Variants in PTPRD observed in about 807,000 individuals in gnomAD.
PTPRD encodes protein tyrosine phosphatase receptor type D, also known as receptor-type tyrosine-protein phosphatase delta.
In PTPRD, 34 loss-of-function variants were observed where a neutral mutation model predicts 214.5. The observed-to-expected ratio is 0.16, with a 90% CI of 0.12 to 0.21. The LOEUF (loss-of-function observed/expected upper bound fraction) is 0.21, where lower values mean the gene tolerates loss of function less well. Ranked by LOEUF, PTPRD falls within the 10% of genes least tolerant of loss-of-function variation. The probability of loss-of-function intolerance (pLI) is 1.00; values close to 1 mark genes in which losing one functional copy is unlikely to be tolerated. For synonymous variants in PTPRD, 1,128 were observed against 845.7 expected (o/e 1.33, Z -5.79); for missense variants, 2,545 against 2,398.7 (o/e 1.06, Z -1.27).
intron 7 of PTPRD, among the ~76,000 whole-genome samples, chr9:9,622,448 T>C (rs1403576491): frequency 6.6e-6 from 1 of 152,222 alleles, no homozygotes; most frequent in Non-Finnish European, 1.5e-5. Flanking sequence ...ATTATTTTTA[T>C]CATTTACGTA....
intron 12 of PTPRD, among the ~76,000 whole-genome samples, chr9:8,685,009 G>A (rs998554493): frequency 3.9e-5 from 6 of 152,048 alleles, no homozygotes; most frequent in Non-Finnish European, 8.8e-5. Context: ...GCTCTTCTGG[G>A]GATGGGCTGT....
At chr9:10,074,085 T>C (rs2098086761) in intron 3 of PTPRD, among the ~76,000 whole-genome samples, 1 of 152,108 alleles carries the variant, frequency 6.6e-6, no homozygotes, top group Non-Finnish European at 1.5e-5. Context: ...TCACAGAATT[T>C]GCGTGGAGGT....
At chr9:9,651,578 C>G (rs1160943926) in intron 7 of PTPRD, among the ~76,000 whole-genome samples, 4 of 152,070 alleles carry the variant, frequency 2.6e-5, no homozygotes, top group African/African-American at 9.7e-5. Flanking sequence ...TGATTGTGTT[C>G]TTTATTATGG....
intron 2 of PTPRD, among the ~76,000 whole-genome samples, chr9:10,479,345 G>C (rs956417288): frequency 6.6e-6 from 1 of 151,754 alleles, no homozygotes; most frequent in African/African-American, 2.4e-5. Flanking sequence ...CAACACATAG[G>C]AAAGGTGGAA....
At chr9:10,205,660 GC>G (rs1362017850) in intron 3 of PTPRD, among the ~76,000 whole-genome samples, 1 of 152,016 alleles carries the variant, frequency 6.6e-6, no homozygotes, top group Non-Finnish European at 1.5e-5. Context: ...GCCTGCCTTG[GC>G]CCCAAAGTGC....
intron 11 of PTPRD, among the ~76,000 whole-genome samples, chr9:8,941,072 GA>G (rs2099031181): frequency 6.6e-6 from 1 of 152,052 alleles, no homozygotes; most frequent in South Asian, 2.1e-4. Context: ...CCCATCTCAA[GA>G]AATCATTTGT....
intron 5 of PTPRD, among the ~76,000 whole-genome samples, chr9:9,780,145 T>A (rs1436704671): frequency 2.0e-5 from 3 of 152,080 alleles, no homozygotes; most frequent in Non-Finnish European, 4.4e-5. Flanking sequence ...TAATCCTGAG[T>A]TAACACAGAA....
chr9:10,060,733 G>C (rs2097747252), intron 3 of PTPRD, among the ~76,000 whole-genome samples: 1 of 151,656 alleles, frequency 6.6e-6, no homozygotes, highest in African/African-American at 2.4e-5. Flanking sequence ...TGAAAGTTCA[G>C]TTTCTATTTT....
chr9:10,409,835 C>A lies in PTPRD; in HGVS notation c.-599-68818G>T, dbSNP rs377358863. ...TCTAAGGCCTCTTACTAACAGCCAG[C>A]ACCACAATACCAGCCATGTGAGTGA... is the stretch of plus-strand genomic sequence containing the variant. On this transcript the variant is annotated intron_variant, in intron 2 of 45. Coordinates refer to ENST00000381196, the MANE Select transcript of PTPRD (RefSeq NM_002839.4). 2.6e-5 allele frequency among the ~76,000 whole-genome samples: 4 copies of A among 151,642 alleles called. No individual in the cohort carries two copies. The East Asian group carries it at 7.8e-4, about 30-fold the overall frequency.
At chr9:9,654,826 A>T (rs1230260751) in intron 7 of PTPRD, among the ~76,000 whole-genome samples, 1 of 152,182 alleles carries the variant, frequency 6.6e-6, no homozygotes, top group Non-Finnish European at 1.5e-5. Context: ...TTCTCTCTTT[A>T]ACTGATACTG....
intron 4 of PTPRD, among the ~76,000 whole-genome samples, chr9:9,978,461 A>G (rs1213795714): frequency 6.6e-6 from 1 of 152,092 alleles, no homozygotes; most frequent in East Asian, 1.9e-4. Flanking sequence ...CTAGCTAAGG[A>G]AAAAAATAAA....
chr9:8,578,317 A>C (rs1267684072), intron 14 of PTPRD, among the ~76,000 whole-genome samples: 1 of 152,212 alleles, frequency 6.6e-6, no homozygotes, highest in Non-Finnish European at 1.5e-5. Context: ...CTTTTTAAGT[A>C]ATCAACTAGG....
intron 5 of PTPRD, among the ~76,000 whole-genome samples, chr9:9,776,380 T>C (rs1159628580): frequency 6.6e-6 from 1 of 152,202 alleles, no homozygotes; most frequent in Non-Finnish European, 1.5e-5. Flanking sequence ...GCCATAACCC[T>C]TTCCTGCAAT....
intron 7 of PTPRD, among the ~76,000 whole-genome samples, chr9:9,730,153 T>G (rs1043737316): frequency 1.3e-5 from 2 of 152,270 alleles, no homozygotes; most frequent in East Asian, 3.9e-4. Context: ...TAGATGGAAA[T>G]AGCATTCAAT....
At chr9:8,355,862 C>T (rs866300740) in intron 39 of PTPRD, among the ~76,000 whole-genome samples, 3 of 152,176 alleles carry the variant, frequency 2.0e-5, no homozygotes, top group African/African-American at 4.8e-5. Context: ...TATGGCTGGT[C>T]GCTGGGCCAC....
rs1589539998 is a variant in PTPRD, at chr9:9,482,474, A to G, written c.-236-84992T>C. ...TAATCTTTGTACCCACACATGCACC[A>G]TTTGAAGAATTGTTCTTTTCTTTCA... On this transcript the variant is annotated intron_variant, in intron 8 of 45. Coordinates refer to ENST00000381196, the MANE Select transcript of PTPRD (RefSeq NM_002839.4). Among the ~76,000 whole-genome samples the G allele has an allele frequency of 2.6e-5, 4 of 152,208 alleles. No individual in the cohort carries two copies. The South Asian group carries it at 8.3e-4, about 31-fold the overall frequency.
intron 11 of PTPRD, among the ~76,000 whole-genome samples, chr9:8,951,538 T>A (rs986433617): frequency 1.3e-5 from 2 of 152,028 alleles, no homozygotes; most frequent in Non-Finnish European, 2.9e-5. Flanking sequence ...GTAGCTGTTT[T>A]ACGTTCAGCA....
intron 8 of PTPRD, among the ~76,000 whole-genome samples, chr9:9,570,420 C>T (rs527657833): frequency 1.3e-5 from 2 of 151,544 alleles, no homozygotes; most frequent in Non-Finnish European, 3.0e-5. Context: ...GCTAATTTAA[C>T]TGGCATCAAT....
At chr9:8,958,639 G>A (rs2099143807) in intron 11 of PTPRD, 1 of 151,932 alleles carries the variant, frequency 6.6e-6, no homozygotes, top group African/African-American at 2.4e-5. Context: ...CACATAGTTG[G>A]ATTTGAGCCA....
Sources: gnomAD v4.1 joint callset for allele counts (sites outside exome capture counted in the v4.1 genomes callset) on GRCh38, gnomAD v4.1.1 for gene constraint, MANE v1.5 for transcripts, NCBI Gene and HGNC (gene_info 2026-07-23, HGNC 2026-07-21) for gene names.